PAPPA2: variants seen among roughly 807,000 people sequenced by gnomAD.
PAPPA2 encodes the protein pappalysin 2.
In PAPPA2, 86 loss-of-function variants were observed where a neutral mutation model predicts 176.4. The observed-to-expected ratio is 0.49, with a 90% confidence interval of 0.41 to 0.58. The LOEUF (loss-of-function observed/expected upper bound fraction) is 0.58, where lower values mean the gene tolerates loss of function less well. Ranked by LOEUF, PAPPA2 falls within the 20% of genes least tolerant of loss-of-function variation. The pLI, the probability that PAPPA2 is intolerant of heterozygous loss-of-function variation, is 0.00. For missense variants in PAPPA2, 2,073 were observed against 2,256.9 expected (o/e 0.92, Z 1.65); for synonymous variants, 809 against 852.2 (o/e 0.95, Z 0.88).
At chr1:176,714,554 G>T (rs1368632475) in intron 12 of PAPPA2, among the ~76,000 whole-genome samples, 1 of 152,040 alleles carries the variant, frequency 6.6e-6, no homozygotes, top group Non-Finnish European at 1.5e-5. Flanking sequence ...GTTTTTTAAT[G>T]AGTCACAGGC....
At chr1:176,689,046 A>T (rs1659976109) in intron 4 of PAPPA2, among the ~76,000 whole-genome samples, 2 of 152,188 alleles carry the variant, frequency 1.3e-5, no homozygotes, top group Non-Finnish European at 2.9e-5. Context: ...CTGTGAAAGA[A>T]GGGCAGGGCC....
At chr1:176,790,008 C>G in intron 18 of PAPPA2, 31 bp downstream of exon 18, 2 of 1,609,020 alleles carry the variant, frequency 1.2e-6, no homozygotes, top group Non-Finnish European at 1.7e-6. Context: ...TTATTTTCAT[C>G]AGGCTGTGCT....
chr1:176,610,183 T>G (rs1654831653), intron 3 of PAPPA2, among the ~76,000 whole-genome samples: 1 of 151,908 alleles, frequency 6.6e-6, no homozygotes, highest in South Asian at 2.1e-4. Flanking sequence ...GGAAGATTTA[T>G]TGTTCAGGAA....
intron 20 of PAPPA2, among the ~76,000 whole-genome samples, chr1:176,798,611 C>A (rs977979595): frequency 1.3e-5 from 2 of 152,168 alleles, no homozygotes; most frequent in Non-Finnish European, 2.9e-5. Context: ...TCCAGTGGAA[C>A]CTGCTTTAAA....
intron 14 of PAPPA2, among the ~76,000 whole-genome samples, chr1:176,749,657 C>T (rs886993270): frequency 6.6e-6 from 1 of 152,202 alleles, no homozygotes; most frequent in South Asian, 2.1e-4. Flanking sequence ...AATATTTTTA[C>T]CATCTCCATC....
chr1:176,734,967 T>C (rs1456832003), intron 12 of PAPPA2, among the ~76,000 whole-genome samples: 1 of 152,082 alleles, frequency 6.6e-6, no homozygotes, highest in Non-Finnish European at 1.5e-5. Context: ...AGTTTTCTAA[T>C]CTATGATTTC....
Position 176,736,721 on chromosome 1 carries a change from A to G in PAPPA2, c.3799-2905A>G, listed in dbSNP as rs1185859446. On this transcript the variant is annotated intron_variant, in intron 12 of 22. Coordinates refer to ENST00000367662, the MANE Select transcript of PAPPA2 (RefSeq NM_020318.3). ...TCTAGAAGTTTCTATGTCCTTATGTACAGCAAAAGTAGATTTTTAATAAAT... is the reference window on the plus strand; with the variant it reads ...TCTAGAAGTTTCTATGTCCTTATGTGCAGCAAAAGTAGATTTTTAATAAAT... 3.3e-5 allele frequency among the ~76,000 whole-genome samples: 5 copies of G among 150,948 alleles called. 1 individual carries two copies. In the South Asian group the frequency reaches 8.3e-4, roughly 25 times the overall value.
chr1:176,771,603 A>T (rs769698641), intron 17 of PAPPA2, among the ~76,000 whole-genome samples: 1 of 152,240 alleles, frequency 6.6e-6, no homozygotes, highest in Non-Finnish European at 1.5e-5. Context: ...GATTAAAAAT[A>T]TCCGCCAGTT....
At chr1:176,502,573 G>T (rs981879378) in intron 1 of PAPPA2, among the ~76,000 whole-genome samples, 3 of 152,082 alleles carry the variant, frequency 2.0e-5, no homozygotes, top group Non-Finnish European at 4.4e-5. Flanking sequence ...TACTGCATCT[G>T]GTCAAACTTT....
Position 176,595,498 on chromosome 1 carries a change from T to G in PAPPA2, c.1894T>G (p.Cys632Gly). The G allele has an allele frequency of 6.2e-7, 1 of 1,613,916 alleles. No homozygotes were observed. Among genetic ancestry groups the G allele is most frequent in the Non-Finnish European group, 8.5e-7 (1 of 1,179,962 alleles). The part of the protein sequence containing the change: ...NRRDGLCHVE[C>G]NNMLNDFDDG... ...CAGGGATGGGCTCTGTCACGTGGAG[T>G]GTAACAACATGCTGAACGACTTTGA... The change falls in exon 3 of 23, where the codon TGT becomes GGT. Residue 632 changes from cysteine (C) to glycine (G), a missense_variant. By Grantham distance (159) the Cys-to-Gly change is radical. This residue lies in a region of PAPPA2 where 1,196 missense variants were observed against 1,330.4 expected (regional missense o/e 0.90). Transcript: ENST00000367662.
chr1:176,502,913 T>A (rs1036145154), intron 1 of PAPPA2, among the ~76,000 whole-genome samples: 12 of 152,176 alleles, frequency 7.9e-5, no homozygotes, highest in African/African-American at 2.9e-4. Context: ...GTCCTGAGTA[T>A]GATGCACCCA....
intron 2 of PAPPA2, among the ~76,000 whole-genome samples, chr1:176,572,007 G>A (rs369930750): frequency 1.3e-5 from 2 of 152,156 alleles, no homozygotes; most frequent in South Asian, 4.1e-4. Context: ...GACCGTCAGA[G>A]CATCACAGGC....
chr1:176,587,838 T>C (rs1653415255), intron 2 of PAPPA2, among the ~76,000 whole-genome samples: 1 of 152,244 alleles, frequency 6.6e-6, no homozygotes, highest in Non-Finnish European at 1.5e-5. Flanking sequence ...GGCACACGTA[T>C]ACCTATGTAA....
intron 3 of PAPPA2, among the ~76,000 whole-genome samples, chr1:176,625,257 A>G (rs936298154): frequency 6.6e-6 from 1 of 152,124 alleles, no homozygotes; most frequent in Non-Finnish European, 1.5e-5. Context: ...GAAGAGGGAG[A>G]GAAGACAGGA....
chr1:176,605,145 A>G (rs2102668342), intron 3 of PAPPA2, among the ~76,000 whole-genome samples: 1 of 152,206 alleles, frequency 6.6e-6, no homozygotes, highest in East Asian at 1.9e-4. Flanking sequence ...TTTGATGAGC[A>G]TAAAAATAGC....
At chr1:176,571,059 A>G (rs1652297447) in intron 2 of PAPPA2, among the ~76,000 whole-genome samples, 1 of 152,044 alleles carries the variant, frequency 6.6e-6, no homozygotes, top group Non-Finnish European at 1.5e-5. Flanking sequence ...TGCCCCTCCA[A>G]CACCCAGGGC....
chr1:176,588,125 A>G (rs1653436874), intron 2 of PAPPA2, among the ~76,000 whole-genome samples: 2 of 152,180 alleles, frequency 1.3e-5, no homozygotes, highest in South Asian at 4.1e-4. Context: ...GAGATCCTTC[A>G]TATCACTTGT....
chr1:176,809,260 GACT>G (rs1666040641), intron 21 of PAPPA2, among the ~76,000 whole-genome samples: 1 of 152,140 alleles, frequency 6.6e-6, no homozygotes, highest in African/African-American at 2.4e-5. Context: ...ATTATCATCT[GACT>G]ACTACTTCCA....
intron 2 of PAPPA2, among the ~76,000 whole-genome samples, chr1:176,561,146 G>A (rs1370115034): frequency 1.3e-5 from 2 of 152,264 alleles, no homozygotes; most frequent in South Asian, 2.1e-4. Flanking sequence ...GGTCTTCAGC[G>A]ATCCATTGAG....
Sources: gnomAD v4.1 joint callset for allele counts (sites outside exome capture counted in the v4.1 genomes callset) on GRCh38, gnomAD v4.1.1 for gene constraint, gnomAD v4.1.1 regional missense constraint, MANE v1.5 for transcripts, NCBI Gene and HGNC (gene_info 2026-07-23, HGNC 2026-07-21) for gene names.